Variants in MAGEC3 observed in about 807,000 individuals in gnomAD.
The protein encoded by MAGEC3 is melanoma-associated antigen C3.
In MAGEC3, 34 loss-of-function variants were observed where a neutral mutation model predicts 35.3. That is an observed-to-expected ratio of 0.96 (90% CI 0.73 to 1.28). The LOEUF (loss-of-function observed/expected upper bound fraction) is 1.28, where lower values mean the gene tolerates loss of function less well. MAGEC3 is among the 50% of genes most tolerant of loss of function. The pLI, the probability that MAGEC3 is intolerant of heterozygous loss-of-function variation, is 0.00. For synonymous variants in MAGEC3, 202 were observed against 185.6 expected (o/e 1.09, Z -0.72); for missense variants, 561 against 483.6 (o/e 1.16, Z -1.50).
In MAGEC3 at chrX:141,881,625, C is replaced by T. The variant is rs147018385; in HGVS notation, c.738C>T (p.Pro246=). 3,574 of 1,209,602 alleles carry T rather than the reference C, an allele frequency of 3.0e-3. 5 individuals are homozygous for T. The highest frequency in any genetic ancestry group is 3.5e-3 in the Non-Finnish European group (3,124 of 895,026). The part of the protein sequence containing the change: ...LFGISLTEVD[P]DHFYVFVNTL... ...GCATTTCCCTGACAGAAGTGGACCC[C>T]GACCATTTCTATGTCTTTGTAAACA... is the stretch of plus-strand genomic sequence containing the variant. The change falls in exon 4 of 8, where the codon CCC becomes CCT. Residue 246 remains proline, a synonymous_variant. Transcript: ENST00000298296.
intron 2 of MAGEC3, among the ~76,000 whole-genome samples, chrX:141,867,752 AGAGT>A (rs75753703): frequency 0.28 from 31,118 of 110,816 alleles, 3,643 homozygotes; most frequent in East Asian, 0.72. Context: ...TGCAAATAGT[AGAGT>A]GAGTAAAGCA....
At chrX:141,895,867 A>G (rs1006564449) in intron 6 of MAGEC3, among the ~76,000 whole-genome samples, 1 of 110,722 alleles carries the variant, frequency 9.0e-6, no homozygotes, top group Non-Finnish European at 1.9e-5. Context: ...GAGGACGGAG[A>G]GGTCCCACGT....
chrX:141,896,371 G>C, intron 6 of MAGEC3: 1 of 947,353 alleles, frequency 1.1e-6, no homozygotes, highest in Middle Eastern at 4.3e-4. Flanking sequence ...TGCCATTCCT[G>C]GTGCCTCAGG....
At chrX:141,853,379 C>T (rs928697082) in intron 1 of MAGEC3, among the ~76,000 whole-genome samples, 1 of 110,904 alleles carries the variant, frequency 9.0e-6, no homozygotes, top group Non-Finnish European at 1.9e-5. Context: ...AACCAAACTC[C>T]GGGGAGTATT....
At chrX:141,845,740 T>C (rs1157519464) in intron 1 of MAGEC3, among the ~76,000 whole-genome samples, 1 of 110,942 alleles carries the variant, frequency 9.0e-6, no homozygotes, top group African/African-American at 3.3e-5. Flanking sequence ...TTGTTGTGGT[T>C]GTATTAATTA....
chrX:141,896,559 A>T (rs1414355986), intron 6 of MAGEC3: 24 of 1,188,539 alleles, frequency 2.0e-5, no homozygotes, highest in Non-Finnish European at 2.5e-5. Flanking sequence ...AGCTGAAGCT[A>T]CTCACACTGT....
chrX:141,879,031 C>T, intron 2 of MAGEC3, 144 bp from the exon 3 acceptor site: 2 of 667,271 alleles, frequency 3.0e-6, no homozygotes, highest in South Asian at 7.3e-5. Context: ...ATGGGAGGGG[C>T]TTATTCGGAG....
Position 141,879,323 on chromosome X carries a change from C to G in MAGEC3, c.407C>G (p.Thr136Ser), listed in dbSNP as rs764479405. Residue 136 changes from threonine to serine, a missense_variant, in exon 3 of 8, where the codon ACT becomes AGT. Coordinates refer to ENST00000298296, the MANE Select transcript of MAGEC3 (RefSeq NM_138702.1). ...PQDWPLNEKR[T>S]LWKDSDLPTW... ...GACTGGCCACTCAACGAGAAGAGAA[C>G]TCTGTGGAAGGACAGTGACCTTCCA... 8.3e-7 allele frequency: 1 copy of G among 1,204,916 alleles called. No homozygotes were observed. The highest frequency in any genetic ancestry group is 1.8e-5 in the South Asian group (1 of 55,511).
At chrX:141,894,941 T>G (rs1191659887) in intron 4 of MAGEC3, 208 of 560,010 alleles carry the variant, frequency 3.7e-4, no homozygotes, top group African/African-American at 2.2e-3. Context: ...AGTTGGGAGG[T>G]GGGTAGGAAA....
chrX:141,860,971 C>T (rs997156219), intron 1 of MAGEC3, among the ~76,000 whole-genome samples: 2 of 111,292 alleles, frequency 1.8e-5, no homozygotes, highest in Admixed American at 9.6e-5. Flanking sequence ...AGTTGGAGAC[C>T]ATTTGTAATA....
intron 2 of MAGEC3, among the ~76,000 whole-genome samples, chrX:141,869,176 G>A (rs866152400): frequency 2.1e-4 from 23 of 111,133 alleles, no homozygotes; most frequent in African/African-American, 6.9e-4. Flanking sequence ...GAGCCACCGC[G>A]CCCGGCCAGT....
At chrX:141,892,527 T>A (rs2124126609) in intron 4 of MAGEC3, among the ~76,000 whole-genome samples, 1 of 111,737 alleles carries the variant, frequency 8.9e-6, no homozygotes, top group South Asian at 3.7e-4. Context: ...TTTCCTAAAA[T>A]ATTTCACCAA....
At chrX:141,869,002 C>G (rs987162390) in intron 2 of MAGEC3, among the ~76,000 whole-genome samples, 26 of 109,605 alleles carry the variant, frequency 2.4e-4, no homozygotes, top group Non-Finnish European at 4.4e-4. Flanking sequence ...CTGCCTCAGC[C>G]TCCCGAGTAG....
At chrX:141,843,086 G>A (rs2017695539) in intron 1 of MAGEC3, among the ~76,000 whole-genome samples, 1 of 112,438 alleles carries the variant, frequency 8.9e-6, no homozygotes, top group Admixed American at 9.4e-5. Flanking sequence ...ATAGAGAAAT[G>A]TGGCAATTTA....
rs762506386 is a variant in MAGEC3, at chrX:141,880,909, C to T, written c.516-494C>T. The T allele has an allele frequency of 5.1e-4, 431 of 848,078 alleles. 3 individuals carry two copies. In the African/African-American group the frequency reaches 7.1e-3, roughly 14 times the overall value. The allele number at this position is 848,078 out of a possible 1,213,427, so 69.9% of individuals were successfully genotyped here. A position where few individuals can be genotyped will look rare whatever the true frequency, so the allele number is the denominator to read the frequency against. ...CCACTTGCAGTGTCCCTCTCTCCCT[C>T]AGGCCTGTTGGATGCCATCATCCAC... is the stretch of plus-strand genomic sequence containing the variant. On this transcript the variant is annotated intron_variant, in intron 3 of 7. Transcript: ENST00000298296.
intron 1 of MAGEC3, among the ~76,000 whole-genome samples, chrX:141,861,401 C>T (rs907948402): frequency 4.5e-5 from 5 of 110,922 alleles, no homozygotes; most frequent in African/African-American, 1.6e-4. Flanking sequence ...ATCAAAATAT[C>T]AATGCCGTTT....
intron 1 of MAGEC3, among the ~76,000 whole-genome samples, chrX:141,861,713 GGATAACCA>G (rs1311922261): frequency 9.0e-6 from 1 of 111,576 alleles, no homozygotes; most frequent in African/African-American, 3.3e-5. Context: ...TGGAATATGT[GGATAACCA>G]GATGCAGAAG....
chrX:141,867,078 T>A (rs999026868), intron 2 of MAGEC3, among the ~76,000 whole-genome samples: 7 of 111,049 alleles, frequency 6.3e-5, no homozygotes, highest in Non-Finnish European at 1.3e-4. Context: ...TCAGTTGTCT[T>A]GAGACATTTG....
At chrX:141,885,663 C>CAA (rs35973319) in intron 4 of MAGEC3, among the ~76,000 whole-genome samples, 3,168 of 40,346 alleles carry the variant, frequency 0.079, 477 homozygotes, top group East Asian at 0.52. Flanking sequence ...GACTTCGTCT[C>CAA]AAAAAAAAAA....
Sources: allele counts gnomAD v4.1 joint callset (sites outside exome capture counted in the v4.1 genomes callset), GRCh38; gene constraint gnomAD v4.1.1; transcripts MANE v1.5; gene names NCBI Gene and HGNC (gene_info 2026-07-23, HGNC 2026-07-21).